ABCA2: variants seen among roughly 807,000 people sequenced by gnomAD.
ABCA2 encodes ATP binding cassette subfamily A member 2.
A neutral mutation model predicts 262.8 loss-of-function variants in ABCA2; 84 were observed. The observed-to-expected ratio is 0.32, with a 90% CI of 0.27 to 0.38. ABCA2 has a LOEUF of 0.38. ABCA2 is among the 10% of genes least tolerant of loss of function. The probability of loss-of-function intolerance (pLI) is 1.00; values close to 1 mark genes in which losing one functional copy is unlikely to be tolerated. For synonymous variants in ABCA2, 1,696 were observed against 1,502.9 expected (o/e 1.13, Z -2.97); for missense variants, 2,662 against 3,405.9 (o/e 0.78, Z 5.44).
Position 137,013,294 on chromosome 9 carries a change from G to A in ABCA2, c.4575C>T (p.Ser1525=). 6.4e-7 allele frequency: 1 copy of A among 1,568,486 alleles called. No homozygotes were observed. The highest frequency in any genetic ancestry group is 2.3e-5 in the East Asian group (1 of 43,252). ...EYRLRLSPDA[S]PQQLVSTFRL... is the part of the protein sequence containing the mutation. ...GGAACGTGCTCACGAGCTGCTGGGG[G>A]CTGGCGTCGGGCGATAGCCGCAGCC... The change falls in exon 30 of 49, where the codon AGC becomes AGT. Residue 1525 remains serine, a synonymous_variant. Transcript: ENST00000341511.
rs1307898282 is a variant in ABCA2 at position 137,011,855 on chromosome 9, C to T, written c.5524G>A (p.Val1842Met). 9.4e-6 allele frequency: 15 copies of T among 1,593,508 alleles called. No homozygotes were observed. The highest frequency in any genetic ancestry group is 1.7e-4 in the Middle Eastern group (1 of 6,042). ...NPIIYWLANY[V>M]WDMLNYLVPA... ...CACGCCGGGCGCACCATGTCCCACA[C>T]GTAGTTCGCCAGCCAGTAGATGATG... Residue 1842 changes from valine to methionine, a missense_variant, in exon 35 of 49, where the codon GTG becomes ATG. Coordinates refer to ENST00000341511, the MANE Select transcript of ABCA2 (RefSeq NM_001606.5). This position sits in a 1 kb window ranked among gnomAD's most constrained non-coding sequence, Gnocchi z 8.8.
At chr9:137,027,284 C>T (rs764359702) in intron 1 of ABCA2, among the ~76,000 whole-genome samples, 1 of 152,238 alleles carries the variant, frequency 6.6e-6, no homozygotes, top group Non-Finnish European at 1.5e-5. Context: ...CCTCGCTCCA[C>T]GAAGGACTTC....
In ABCA2 at chr9:137,013,269, GGAACGTGCTCAC is replaced by G; in HGVS notation, c.4588_4599del (p.Val1530_Phe1533del). On this transcript the variant is annotated inframe_deletion, in exon 30 of 49. Transcript: ENST00000341511. ...GTGGCACCCACCCCCGACGGCAGCC[GGAACGTGCTCAC>G]GAGCTGCTGGGGGCTGGCGTCGGGC... The G allele has an allele frequency of 1.3e-6, 2 of 1,589,314 alleles. No homozygotes were observed. Among genetic ancestry groups the G allele is most frequent in the Non-Finnish European group, 1.7e-6 (2 of 1,173,278 alleles).
rs776226464 is a variant in ABCA2 at position 137,008,563 on chromosome 9, C to A, written c.7128G>T (p.Pro2376=). ...SDNLEQQETE[P]PSALQSPLGC... ...CGAGAGGGGACTGCAGTGCGGATGGCGGCTCCGTCTCCTGCTGCTCCAGGT... is the reference window on the plus strand; with the variant it reads ...CGAGAGGGGACTGCAGTGCGGATGGAGGCTCCGTCTCCTGCTGCTCCAGGT... Residue 2376 remains proline (P), a synonymous_variant, in exon 48 of 49, where the codon CCG becomes CCT. Transcript: ENST00000341511. The A allele has an allele frequency of 6.2e-7, 1 of 1,607,588 alleles. No homozygotes were observed. Among genetic ancestry groups the A allele is most frequent in the Non-Finnish European group, 8.5e-7 (1 of 1,177,772 alleles).
rs758184650 is a variant in ABCA2, at chr9:137,022,736, C to A, written c.405G>T (p.Pro135=). 1.2e-6 allele frequency: 2 copies of A among 1,605,750 alleles called. No homozygotes were observed. The highest frequency in any genetic ancestry group is 4.5e-5 in the East Asian group (2 of 44,682). Reference sequence around the variant, plus strand: ...TGTCCAGGTGGCTCCCCGAGGTGCCCGGGCCCGCACTGAGGGCCTCCAGAT... The same window carrying A: ...TGTCCAGGTGGCTCCCCGAGGTGCCAGGGCCCGCACTGAGGGCCTCCAGAT... ...RQHLEALSAG[P]GTSGSHLDRS... is the part of the protein sequence containing the mutation. The change falls in exon 5 of 49, where the codon CCG becomes CCT. Residue 135 remains proline (P), a synonymous_variant. Transcript: ENST00000341511.
intron 31 of ABCA2, 49 bp downstream of exon 31, chr9:137,012,663 G>A: frequency 6.2e-7 from 1 of 1,610,728 alleles, no homozygotes; most frequent in Non-Finnish European, 8.5e-7. Flanking sequence ...TTGAGACTAG[G>A]TGGCTGGTGG....
Position 137,021,843 on chromosome 9 carries a change from C to G in ABCA2, c.678+48G>C. On this transcript the variant is annotated intron_variant, in intron 7 of 48. Transcript: ENST00000341511. This position sits in a 1 kb window ranked among gnomAD's most constrained non-coding sequence, Gnocchi z 6.0. ...CTCACCCACGGAGCAGAAGCACCCCCAGAGGCAGGCAGCACTCCAGGCCCA... is the reference window on the plus strand; with the variant it reads ...CTCACCCACGGAGCAGAAGCACCCCGAGAGGCAGGCAGCACTCCAGGCCCA... 4 of 1,508,554 alleles carry G rather than the reference C, an allele frequency of 2.7e-6. No individual in the cohort carries two copies. The highest frequency in any genetic ancestry group is 3.6e-6 in the Non-Finnish European group (4 of 1,105,812). The allele number at this position is 1,508,554 out of a possible 1,614,324, so 93.4% of individuals were successfully genotyped here. A position where few individuals can be genotyped will look rare whatever the true frequency, so the allele number is the denominator to read the frequency against.
chr9:137,008,262 C>T (rs1380312577), intron 48 of ABCA2, 154 bp downstream of exon 48: 2 of 925,084 alleles, frequency 2.2e-6, no homozygotes, highest in East Asian at 2.6e-5. Flanking sequence ...CCAGGCCTAT[C>T]TGCAAGTGTC....
chr9:137,016,418 C>T lies in ABCA2; in HGVS notation c.2977G>A (p.Val993Met), dbSNP rs763155250. Residue 993 changes from valine (V) to methionine (M), a missense_variant, in exon 21 of 49, where the codon GTG becomes ATG. Val to Met is a conservative substitution (Grantham distance 21, BLOSUM62 1). Transcript: ENST00000341511. ...TTGTAGACCTTGGTGAGTTTGTCCA[C>T]GCAGACAACCAGAGGCAGGTGGGTG... Reference protein sequence around the residue: ...EPTHLPLVVCVDKLTKVYKDD... With the variant: ...EPTHLPLVVCMDKLTKVYKDD... 42 of 1,612,770 alleles carry T rather than the reference C, an allele frequency of 2.6e-5. No individual in the cohort carries two copies. The highest frequency in any genetic ancestry group is 5.0e-5 in the Admixed American group (3 of 60,006).
rs1831281800 is a variant in ABCA2, at chr9:137,017,027, G to T, written c.2651C>A (p.Ser884Tyr). 1.2e-6 allele frequency: 2 copies of T among 1,612,824 alleles called. No individual in the cohort carries two copies. Among genetic ancestry groups the T allele is most frequent in the Non-Finnish European group, 1.7e-6 (2 of 1,180,002 alleles). The change falls in exon 19 of 49, where the codon TCC (serine) becomes TAC (tyrosine). Residue 884 changes from serine (S) to tyrosine (Y), a missense_variant. Transcript: ENST00000341511. ...GTTGAAGTCGTCCCCCTCCACCGGGGACTGGCTGAAGGTGTGCCACTGGAT... is the reference window on the plus strand; with the variant it reads ...GTTGAAGTCGTCCCCCTCCACCGGGTACTGGCTGAAGGTGTGCCACTGGAT... ...VGIQWHTFSQSPVEGDDFNLL... is the reference protein window; with the variant it reads ...VGIQWHTFSQYPVEGDDFNLL...
Position 137,012,732 on chromosome 9 carries a change from G to A in ABCA2, c.5061C>T (p.Ser1687=), listed in dbSNP as rs761793679. 12 of 1,612,500 alleles carry A rather than the reference G, an allele frequency of 7.4e-6. No homozygotes were observed. The highest frequency in any genetic ancestry group is 5.3e-5 in the African/African-American group (4 of 74,928). The change falls in exon 31 of 49, where the codon TCC becomes TCT. Residue 1687 remains serine (S), a synonymous_variant. Coordinates refer to ENST00000341511, the MANE Select transcript of ABCA2 (RefSeq NM_001606.5). ...HNVSEYLLFT[S]DRFRLHRYGA... ...CTCACCGGTGCAGTCGGAAGCGGTCGGAGGTGAAGAGCAGGTACTCAGAGA... is the reference window on the plus strand; with the variant it reads ...CTCACCGGTGCAGTCGGAAGCGGTCAGAGGTGAAGAGCAGGTACTCAGAGA...
At chr9:137,014,849 C>A in intron 25 of ABCA2, 39 bp from the exon 26 acceptor site, 1 of 1,584,316 alleles carries the variant, frequency 6.3e-7, no homozygotes, top group Non-Finnish European at 8.6e-7. Flanking sequence ...GGCAGGGACG[C>A]CCAGGCAGGA....
rs1299437974 is a variant in ABCA2, at chr9:137,008,312, A to C, written c.7275+104T>G. 40 of 1,345,132 alleles carry C rather than the reference A, an allele frequency of 3.0e-5. No individual in the cohort carries two copies. In the East Asian group the frequency reaches 1.0e-3, roughly 34 times the overall value. The allele number at this position is 1,345,132 out of a possible 1,614,324, so 83.3% of individuals were successfully genotyped here. On this transcript the variant is annotated intron_variant, in intron 48 of 48. Transcript: ENST00000341511. ...CCCCCTTGACCTCTGGACAGCAAGCATCCTGGGGCCAGTTCTCCCCCGACC... is the reference window on the plus strand; with the variant it reads ...CCCCCTTGACCTCTGGACAGCAAGCCTCCTGGGGCCAGTTCTCCCCCGACC...
rs748783686 is a variant in ABCA2, at chr9:137,015,490, G to A, written c.3621C>T (p.Leu1207=). The A allele has an allele frequency of 3.1e-6, 5 of 1,610,250 alleles. No individual in the cohort carries two copies. Among genetic ancestry groups the A allele is most frequent in the South Asian group, 1.1e-5 (1 of 90,710 alleles). The change falls in exon 24 of 49, where the codon CTC becomes CTT. Residue 1207 remains leucine (L), a synonymous_variant. Transcript: ENST00000341511. ...HGKLKCCGSP[L]FLKGTYGDGY... ...CGTCGCCATAGGTGCCCTTGAGGAA[G>A]AGCGGGGAGCCGCAGCACTTGAGCT...
chr9:137,011,293 T>C lies in ABCA2; in HGVS notation c.5816A>G (p.Asn1939Ser). The change falls in exon 38 of 49, where the codon AAC becomes AGC. Residue 1939 changes from asparagine (N) to serine (S), a missense_variant. Asn to Ser is a conservative substitution (Grantham distance 46). Transcript: ENST00000341511. The surrounding 1 kb of genome is among the most constrained non-coding windows in gnomAD (Gnocchi z 8.8). ...GAGGAAGCAGCTTTTCAGGTAACTG[T>C]TGACAACCTTCAGGTCCTGCGGGGT... ...FEHDKDLKVV[N>S]SYLKSCFLIF... The C allele has an allele frequency of 1.9e-6, 3 of 1,612,402 alleles. No homozygotes were observed. The highest frequency in any genetic ancestry group is 2.5e-6 in the Non-Finnish European group (3 of 1,179,760).
At position 137,007,275 on chromosome 9, in the gene ABCA2, T is replaced by C. The variant is rs998127439; in HGVS notation, c.*654A>G. 2.6e-5 allele frequency: 4 copies of C among 155,164 alleles called. No homozygotes were observed. The highest frequency in any genetic ancestry group is 6.2e-5 in the Admixed American group (1 of 16,138). 9.6% of individuals were successfully genotyped at this position (155,164 alleles called of 1,614,324 possible). On this transcript the variant is annotated 3_prime_UTR_variant, in exon 49 of 49. Transcript: ENST00000341511. ...ATTTAAAACAAACATCTGTGCGCTA[T>C]GTACAGGCCCGGCTCCCAGGGAGGT...
intron 1 of ABCA2, among the ~76,000 whole-genome samples, chr9:137,026,220 G>A (rs1831648962): frequency 6.6e-6 from 1 of 152,198 alleles, no homozygotes; most frequent in Non-Finnish European, 1.5e-5. Flanking sequence ...GAGGCAAAGA[G>A]CTTGGAGGAG....
Position 137,022,362 on chromosome 9 carries a change from CCACACGGGCGGCCAAGAGTG to C in ABCA2, c.536_555del (p.Ala179GlyfsTer70), listed in dbSNP as rs1831500127. 1 of 1,607,876 alleles carries C rather than the reference CCACACGGGCGGCCAAGAGTG, an allele frequency of 6.2e-7. No homozygotes were observed. The highest frequency in any genetic ancestry group is 1.3e-5 in the African/African-American group (1 of 74,802). On this transcript the variant is annotated frameshift_variant, in exon 6 of 49. Coordinates refer to ENST00000341511, the MANE Select transcript of ABCA2 (RefSeq NM_001606.5). LOFTEE classifies it high-confidence loss of function. ...TGTCCCTGCCTTACCTCGGGCGGGT[CCACACGGGCGGCCAAGAGTG>C]CTTGGGCCGTGCTATTGGGCAGCGA...
Position 137,022,969 on chromosome 9 carries a change from A to G in ABCA2, c.247T>C (p.Phe83Leu). Reference protein sequence around the residue: ...SLCPDGQRDEFGFLQYANSTV... With the variant: ...SLCPDGQRDELGFLQYANSTV... ...GAGTTGGCGTACTGCAGGAAGCCGA[A>G]CTCGTCTCGCTGGCCGTCCGGGCAC... The change falls in exon 4 of 49, where the codon TTC becomes CTC. Residue 83 changes from phenylalanine to leucine, a missense_variant. Coordinates refer to ENST00000341511, the MANE Select transcript of ABCA2 (RefSeq NM_001606.5). 1 of 1,587,858 alleles carries G rather than the reference A, an allele frequency of 6.3e-7. No homozygotes were observed.
Sources: allele counts gnomAD v4.1 joint callset (sites outside exome capture counted in the v4.1 genomes callset), GRCh38; gene constraint gnomAD v4.1.1; non-coding constraint Gnocchi (gnomAD v3.1); transcripts MANE v1.5; gene names NCBI Gene and HGNC (gene_info 2026-07-23, HGNC 2026-07-21).